The following SYNE2 variants were observed in gnomAD, a reference collection of about 807,000 sequenced individuals.
SYNE2 encodes the protein nesprin-2.
In SYNE2, 431 loss-of-function variants were observed where a neutral mutation model predicts 856.3. That is an observed-to-expected ratio of 0.50 (90% CI 0.47 to 0.55). SYNE2 has a LOEUF of 0.55. SYNE2 is among the 20% of genes least tolerant of loss of function. The probability of loss-of-function intolerance (pLI) is 0.00; values close to 1 mark genes in which losing one functional copy is unlikely to be tolerated. For synonymous variants in SYNE2, 2,923 were observed against 2,872.3 expected (o/e 1.02, Z -0.56); for missense variants, 8,129 against 8,023.2 (o/e 1.01, Z -0.50).
chr14:64,224,664 G>C (rs993776316), intron 114 of SYNE2, 117 bp downstream of exon 114: 2 of 1,151,996 alleles, frequency 1.7e-6, no homozygotes, highest in African/African-American at 3.1e-5. Context: ...ACAGGTCTCT[G>C]CTGACCCATA....
At chr14:63,852,449 G>T (rs1890616497), upstream of SYNE2, among the ~76,000 whole-genome samples, 2 of 152,072 alleles carry the variant, frequency 1.3e-5, no homozygotes, top group Non-Finnish European at 2.9e-5. Flanking sequence ...TCATCCAAGG[G>T]GAAGGAGGAA....
rs143182871 is a variant in SYNE2 at position 64,106,083 on chromosome 14, G to T, written c.12493-1408G>T. ...AAAAAAGAAAGAAAGAAAAAGAAAG[G>T]CTATACCAACAATATTTCTCCTAGG... On this transcript the variant is annotated intron_variant, in intron 64 of 115. Coordinates refer to ENST00000555002, the MANE Select transcript of SYNE2 (RefSeq NM_182914.3). Among the ~76,000 whole-genome samples the T allele has an allele frequency of 1.1e-3, 159 of 150,954 alleles. 6 individuals carry two copies. In the East Asian group the frequency reaches 0.028, roughly 26 times the overall value.
intron 99 of SYNE2, among the ~76,000 whole-genome samples, chr14:64,198,346 G>A (rs1293117563): frequency 6.6e-6 from 1 of 152,180 alleles, no homozygotes; most frequent in Non-Finnish European, 1.5e-5. Context: ...TGTTAACAAG[G>A]CCCAACAATG....
chr14:64,145,218 C>T (rs959901680), intron 83 of SYNE2, among the ~76,000 whole-genome samples: 4 of 150,530 alleles, frequency 2.7e-5, no homozygotes, highest in African/African-American at 7.4e-5. Context: ...AGAGCCACCA[C>T]GCCTGGCCGG....
intron 108 of SYNE2, 143 bp downstream of exon 108, chr14:64,216,530 T>C (rs2098667417): frequency 2.1e-6 from 2 of 942,252 alleles, no homozygotes; most frequent in African/African-American, 3.2e-5. Flanking sequence ...ACAGTGTCTC[T>C]GTTGAGCTGT....
chr14:64,194,566 A>G (rs751892641), intron 99 of SYNE2, among the ~76,000 whole-genome samples: 1 of 152,158 alleles, frequency 6.6e-6, no homozygotes, highest in African/African-American at 2.4e-5. Flanking sequence ...CTGCCTCCCA[A>G]AGTGCTGGAA....
At chr14:63,765,635 G>C (rs1034605785) in intron 1 of SYNE2, among the ~76,000 whole-genome samples, 1 of 152,078 alleles carries the variant, frequency 6.6e-6, no homozygotes, top group Non-Finnish European at 1.5e-5. Context: ...GGGATTACAG[G>C]TGTGAGCCAC....
chr14:64,036,388 C>T (rs559069031), intron 45 of SYNE2, among the ~76,000 whole-genome samples: 1 of 152,116 alleles, frequency 6.6e-6, no homozygotes, highest in African/African-American at 2.4e-5. Context: ...TGGACTCAAG[C>T]GATCCTCCCA....
chr14:63,855,980 A>G (rs1595202061), intron 1 of SYNE2, among the ~76,000 whole-genome samples: 1 of 152,190 alleles, frequency 6.6e-6, no homozygotes, highest in African/African-American at 2.4e-5. Context: ...AGACTTGAAG[A>G]TGAGAAGGAG....
chr14:63,867,588 C>T (rs1383993617), intron 1 of SYNE2, among the ~76,000 whole-genome samples: 6 of 152,070 alleles, frequency 3.9e-5, no homozygotes, highest in Non-Finnish European at 4.4e-5. Context: ...GTCCCAGCTA[C>T]TGAGGAGGCT....
intron 1 of SYNE2, among the ~76,000 whole-genome samples, chr14:63,897,344 T>G (rs1023365580): frequency 4.3e-4 from 66 of 152,338 alleles, no homozygotes; most frequent in African/African-American, 1.6e-3. Flanking sequence ...TTTCCCCACC[T>G]TTGTAGTTCT....
intron 11 of SYNE2, among the ~76,000 whole-genome samples, chr14:63,970,358 T>C (rs1347864466): frequency 6.6e-6 from 1 of 152,086 alleles, no homozygotes; most frequent in African/African-American, 2.4e-5. Context: ...CTTTCAAAGT[T>C]TTAAATTTTT....
intron 1 of SYNE2, among the ~76,000 whole-genome samples, chr14:63,799,536 C>T (rs1195605702): frequency 6.6e-6 from 1 of 150,478 alleles, no homozygotes; most frequent in African/African-American, 2.4e-5. Context: ...ACTAAAAAAA[C>T]AAAACAAAAC....
At chr14:63,892,112 A>G (rs2095146067) in intron 1 of SYNE2, among the ~76,000 whole-genome samples, 1 of 152,152 alleles carries the variant, frequency 6.6e-6, no homozygotes, top group African/African-American at 2.4e-5. Context: ...TGGGGAGACT[A>G]GTGTTTGGAA....
chr14:63,933,863 C>T (rs1345923780), intron 2 of SYNE2, among the ~76,000 whole-genome samples: 1 of 152,144 alleles, frequency 6.6e-6, no homozygotes, highest in Non-Finnish European at 1.5e-5. Context: ...TACTTTTTCC[C>T]CAATGGGTCA....
chr14:63,898,017 C>G (rs577888607), intron 1 of SYNE2, among the ~76,000 whole-genome samples: 5 of 152,318 alleles, frequency 3.3e-5, no homozygotes, highest in Non-Finnish European at 7.4e-5. Flanking sequence ...TTTGTCTTAT[C>G]ATGAGCTGCT....
chr14:63,765,838 T>TA (rs893363454), intron 1 of SYNE2, among the ~76,000 whole-genome samples: 5 of 152,034 alleles, frequency 3.3e-5, no homozygotes, highest in East Asian at 1.9e-4. Flanking sequence ...ATCTATTTTG[T>TA]AAAAAAATTA....
chr14:63,867,398 AGAGAG>A (rs1277004918), intron 1 of SYNE2, among the ~76,000 whole-genome samples: 2 of 126,108 alleles, frequency 1.6e-5, no homozygotes, highest in African/African-American at 5.8e-5. Context: ...AAAAAAAAAA[AGAGAG>A]AGAGAGAGAA....
chr14:63,927,548 A>G (rs1432090885), intron 2 of SYNE2, among the ~76,000 whole-genome samples: 2 of 152,096 alleles, frequency 1.3e-5, no homozygotes, highest in African/African-American at 4.8e-5. Context: ...ATGTTTTTAT[A>G]AGGAGTTTCA....
Sources: allele counts gnomAD v4.1 joint callset (sites outside exome capture counted in the v4.1 genomes callset), GRCh38; gene constraint gnomAD v4.1.1; transcripts MANE v1.5; gene names NCBI Gene and HGNC (gene_info 2026-07-23, HGNC 2026-07-21).